GCNT1: variants seen among roughly 807,000 people sequenced by gnomAD.
GCNT1 encodes beta-1,3-galactosyl-O-glycosyl-glycoprotein beta-1,6-N-acetylglucosaminyltransferase.
Under a neutral mutation model 26.2 loss-of-function variants are expected in GCNT1, and 16 were observed. The ratio of observed to expected loss-of-function variants is 0.61; its 90% CI spans 0.41 to 0.93. The LOEUF (loss-of-function observed/expected upper bound fraction) is 0.93. GCNT1 is among the 40% of genes least tolerant of loss of function. GCNT1 has a pLI of 0.00. For synonymous variants in GCNT1, 183 were observed against 190.8 expected (o/e 0.96, Z 0.34); for missense variants, 477 against 526.7 (o/e 0.91, Z 0.92).
At chr9:76,483,808 A>G (rs1249049698) in intron 2 of GCNT1, among the ~76,000 whole-genome samples, 2 of 152,024 alleles carry the variant, frequency 1.3e-5, no homozygotes, top group Non-Finnish European at 2.9e-5. Context: ...CCCAAAGTCA[A>G]TGATTCTGAA....
intron 1 of GCNT1, among the ~76,000 whole-genome samples, chr9:76,445,392 T>C (rs919959849): frequency 6.6e-6 from 1 of 152,010 alleles, no homozygotes; most frequent in African/African-American, 2.4e-5. Context: ...CTTTCCTTAT[T>C]TATTTATTTA....
chr9:76,458,175 A>ATTTTTTTTTTTT (rs779648273), upstream of GCNT1, among the ~76,000 whole-genome samples: 1 of 76,214 alleles, frequency 1.3e-5, no homozygotes, highest in Non-Finnish European at 2.3e-5. Flanking sequence ...TCTGAGTTGG[A>ATTTTTTTTTTTT]TTTTTTTTTT....
chr9:76,421,521 T>G (rs1253049994), intron 1 of GCNT1, among the ~76,000 whole-genome samples: 1 of 149,200 alleles, frequency 6.7e-6, no homozygotes, highest in Non-Finnish European at 1.5e-5. Flanking sequence ...CGATAATTGC[T>G]TGAACCCAGG....
At chr9:76,429,584 G>A (rs949712285) in intron 1 of GCNT1, among the ~76,000 whole-genome samples, 5 of 152,126 alleles carry the variant, frequency 3.3e-5, no homozygotes, top group African/African-American at 4.8e-5. Context: ...TTATTCATAT[G>A]TGACAGCTGG....
intron 1 of GCNT1, among the ~76,000 whole-genome samples, chr9:76,428,266 AAAAAAAAAAAAAAAAAAAAAAAACTT>A (rs1424522511): frequency 1.1e-5 from 1 of 88,096 alleles, no homozygotes; most frequent in Non-Finnish European, 2.3e-5. Flanking sequence ...ACTCCGTCTC[AAAAAAAAAAAAAAAAAAAAAAAACTT>A]AAAAAAAAAA....
At position 76,453,571 on chromosome 9, in the gene GCNT1, A is replaced by C. The variant is rs566570533; in HGVS notation, c.-290+11256A>C. 9.2e-5 allele frequency among the ~76,000 whole-genome samples: 14 copies of C among 152,330 alleles called. No homozygotes were observed. The South Asian group carries it at 1.7e-3, about 18-fold the overall frequency. ...TAGAGTGAGAGTTACCCATGGCATT[A>C]GTGGATAGTCAGCCCAAAGAAAAGT... On this transcript the variant is annotated intron_variant, in intron 1 of 2. Coordinates refer to the GCNT1 transcript ENST00000442371.
At chr9:76,447,843 C>T (rs1002143470) in intron 1 of GCNT1, among the ~76,000 whole-genome samples, 1 of 152,222 alleles carries the variant, frequency 6.6e-6, no homozygotes, top group Admixed American at 6.5e-5. Flanking sequence ...AGTCCACAAT[C>T]CCTGTGTCCA....
At chr9:76,449,475 G>A (rs187664108) in intron 1 of GCNT1, among the ~76,000 whole-genome samples, 84 of 152,262 alleles carry the variant, frequency 5.5e-4, no homozygotes, top group African/African-American at 1.3e-3. Context: ...ACCTACAAAC[G>A]TTTGCCTAAT....
At chr9:76,485,905 G>A (rs1447373016) in intron 2 of GCNT1, among the ~76,000 whole-genome samples, 1 of 152,148 alleles carries the variant, frequency 6.6e-6, no homozygotes, top group Non-Finnish European at 1.5e-5. Context: ...GTTAATTTTT[G>A]TATTTTCAGT....
chr9:76,490,662 G>T (rs1824707758), intron 2 of GCNT1, among the ~76,000 whole-genome samples: 1 of 152,208 alleles, frequency 6.6e-6, no homozygotes, highest in African/African-American at 2.4e-5. Context: ...CTTAGAATTG[G>T]TATAGATGGC....
At chr9:76,405,343 A>T in the GCNT1 span, among the ~76,000 whole-genome samples, 2 of 151,234 alleles carry the variant, frequency 1.3e-5, no homozygotes, top group Non-Finnish European at 2.9e-5. Flanking sequence ...GACATCCTGC[A>T]CTAGGCACTA....
At chr9:76,467,715 TGG>T (rs1211056782) in intron 2 of GCNT1, among the ~76,000 whole-genome samples, 11 of 152,052 alleles carry the variant, frequency 7.2e-5, no homozygotes, top group Admixed American at 6.5e-4. Flanking sequence ...GTCAGTTGTG[TGG>T]AACAGAAAAT....
the GCNT1 span, among the ~76,000 whole-genome samples, chr9:76,406,708 G>GA: frequency 0.015 from 2,309 of 149,372 alleles, 23 homozygotes; most frequent in Middle Eastern, 0.029. Flanking sequence ...CTCAAAAAAG[G>GA]AAAAAATCAT....
At chr9:76,469,847 A>T (rs1233490142) in intron 2 of GCNT1, among the ~76,000 whole-genome samples, 1 of 152,120 alleles carries the variant, frequency 6.6e-6, no homozygotes, top group Non-Finnish European at 1.5e-5. Context: ...TAGAGCTATA[A>T]CACTCACCGC....
At chr9:76,446,706 G>C (rs1823583261) in intron 1 of GCNT1, among the ~76,000 whole-genome samples, 1 of 152,166 alleles carries the variant, frequency 6.6e-6, no homozygotes, top group Admixed American at 6.5e-5. Context: ...CCCCGTACTG[G>C]ATAGACACTG....
chr9:76,465,531 A>G (rs1450424691), intron 2 of GCNT1, among the ~76,000 whole-genome samples: 1 of 152,220 alleles, frequency 6.6e-6, no homozygotes, highest in Non-Finnish European at 1.5e-5. Context: ...AAAGGCTTCT[A>G]TTCTGTGTGG....
chr9:76,425,429 T>G (rs4745546), intron 1 of GCNT1, among the ~76,000 whole-genome samples: 117,299 of 151,806 alleles, frequency 0.77, 46,043 homozygotes, highest in Middle Eastern at 0.86. Context: ...CACCATGTTG[T>G]CTAGGCTGGT....
chr9:76,454,086 A>G (rs1479864632), intron 1 of GCNT1, among the ~76,000 whole-genome samples: 1 of 152,166 alleles, frequency 6.6e-6, no homozygotes, highest in Non-Finnish European at 1.5e-5. Flanking sequence ...CAATGTTAAA[A>G]AGAACCAGTA....
At chr9:76,397,506 C>T in the GCNT1 span, among the ~76,000 whole-genome samples, 1 of 150,088 alleles carries the variant, frequency 6.7e-6, no homozygotes, top group Non-Finnish European at 1.5e-5. Flanking sequence ...TGCAGTGGCG[C>T]AATCTCGGCT....
Sources: allele counts gnomAD v4.1 joint callset (sites outside exome capture counted in the v4.1 genomes callset), GRCh38; gene constraint gnomAD v4.1.1; transcripts MANE v1.5; gene names NCBI Gene and HGNC (gene_info 2026-07-23, HGNC 2026-07-21).